SULF1: variants seen among roughly 807,000 people sequenced by gnomAD.
SULF1 encodes the protein sulfatase 1.
Under a neutral mutation model 110.5 loss-of-function variants are expected in SULF1, and 46 were observed. The observed-to-expected ratio is 0.42, with a 90% CI of 0.33 to 0.53. SULF1 has a LOEUF of 0.53. Ranked by LOEUF, SULF1 falls within the 20% of genes least tolerant of loss-of-function variation. SULF1 has a pLI of 0.12. For missense variants in SULF1, 941 were observed against 1,094.2 expected, an observed-to-expected ratio of 0.86 and a Z score of 1.98; for synonymous variants, 371 against 387.1, an observed-to-expected ratio of 0.96 and a Z score of 0.49.
At chr8:69,584,965 G>A (rs1465287251) in intron 6 of SULF1, among the ~76,000 whole-genome samples, 5 of 152,098 alleles carry the variant, frequency 3.3e-5, no homozygotes, top group South Asian at 2.1e-4. Context: ...TCTAGAATTC[G>A]TTTCTATTAT....
intron 3 of SULF1, among the ~76,000 whole-genome samples, chr8:69,538,138 C>T (rs7826995): frequency 0.72 from 109,049 of 151,834 alleles, 39,115 homozygotes; most frequent in South Asian, 0.81. Context: ...ATTTTTTGTA[C>T]TTTTAGTAGA....
chr8:69,521,983 T>C (rs537278378), intron 3 of SULF1, among the ~76,000 whole-genome samples: 118 of 151,030 alleles, frequency 7.8e-4, no homozygotes, highest in Non-Finnish European at 1.4e-3. Context: ...CCTAATCAAC[T>C]AGATATTAAA....
intron 22 of SULF1, among the ~76,000 whole-genome samples, chr8:69,644,238 G>A (rs1390583049): frequency 1.3e-5 from 2 of 152,234 alleles, no homozygotes; most frequent in Non-Finnish European, 2.9e-5. Context: ...GGTCATGGGG[G>A]TGGACGCTGG....
chr8:69,527,942 G>A (rs1225067796), intron 3 of SULF1, among the ~76,000 whole-genome samples: 3 of 152,262 alleles, frequency 2.0e-5, no homozygotes, highest in Middle Eastern at 3.4e-3. Context: ...ACTAAAAATT[G>A]TCCTCTTCCC....
intron 13 of SULF1, among the ~76,000 whole-genome samples, chr8:69,608,174 C>T (rs1470995815): frequency 6.6e-6 from 1 of 152,206 alleles, no homozygotes; most frequent in Non-Finnish European, 1.5e-5. Flanking sequence ...GTTGTGTCTT[C>T]TCAAATAGGT....
rs78761321 is a variant in SULF1, at chr8:69,631,708, C to T, written c.2284+2029C>T. 7.9e-3 allele frequency among the ~76,000 whole-genome samples: 1,199 copies of T among 152,378 alleles called. 14 individuals carry two copies. The highest frequency in any genetic ancestry group is 0.027 in the African/African-American group (1,128 of 41,592). Reference sequence around the variant, plus strand: ...TCCACAAGCATCTCAAGCTCCCTCTCGCCATGGGGCCTTTGCACTTGTTTC... The same window carrying T: ...TCCACAAGCATCTCAAGCTCCCTCTTGCCATGGGGCCTTTGCACTTGTTTC... On this transcript the variant is annotated intron_variant, in intron 19 of 22. Coordinates refer to ENST00000402687, the MANE Select transcript of SULF1 (RefSeq NM_001128205.2).
intron 9 of SULF1, 78 bp downstream of exon 9, chr8:69,600,831 T>A: frequency 6.7e-7 from 1 of 1,484,566 alleles, no homozygotes; most frequent in Middle Eastern, 1.8e-4. Context: ...CAATCCTGTT[T>A]GGTTTTTTCC....
intron 3 of SULF1, among the ~76,000 whole-genome samples, chr8:69,558,934 A>C (rs1815297032): frequency 6.6e-6 from 1 of 152,208 alleles, no homozygotes; most frequent in Admixed American, 6.5e-5. Context: ...TTATTAAAAA[A>C]AACTATACTT....
At chr8:69,485,162 C>T (rs1004088356) in intron 1 of SULF1, among the ~76,000 whole-genome samples, 1 of 152,168 alleles carries the variant, frequency 6.6e-6, no homozygotes, top group Non-Finnish European at 1.5e-5. Context: ...TTTGTGGTTT[C>T]TTCCCACTCC....
chr8:69,581,745 G>C (rs1806077771), intron 6 of SULF1, among the ~76,000 whole-genome samples: 1 of 152,182 alleles, frequency 6.6e-6, no homozygotes, highest in Non-Finnish European at 1.5e-5. Context: ...TAGAGGGCCA[G>C]ATAATCAATT....
At chr8:69,557,541 C>T (rs1342164935) in intron 3 of SULF1, among the ~76,000 whole-genome samples, 2 of 152,148 alleles carry the variant, frequency 1.3e-5, no homozygotes, top group Non-Finnish European at 2.9e-5. Context: ...CTCACTTCAT[C>T]CTTCCCACTC....
At chr8:69,640,969 C>A in intron 22 of SULF1, 128 bp downstream of exon 22, 1 of 714,048 alleles carries the variant, frequency 1.4e-6, no homozygotes, top group Non-Finnish European at 2.2e-6. Context: ...CTTGTTCTAA[C>A]AGCATTCTCC....
At chr8:69,560,404 G>A (rs571016253) in intron 3 of SULF1, among the ~76,000 whole-genome samples, 1 of 151,350 alleles carries the variant, frequency 6.6e-6, no homozygotes, top group South Asian at 2.1e-4. Flanking sequence ...TTGGCTTGAC[G>A]GCCCTAAGCC....
At chr8:69,503,302 T>C (rs1586243677) in intron 3 of SULF1, among the ~76,000 whole-genome samples, 1 of 152,184 alleles carries the variant, frequency 6.6e-6, no homozygotes. Flanking sequence ...TGTCTGAAGA[T>C]GGCATGGGGT....
intron 5 of SULF1, among the ~76,000 whole-genome samples, chr8:69,573,134 C>T (rs554107229): frequency 1.3e-5 from 2 of 152,292 alleles, no homozygotes; most frequent in Admixed American, 6.5e-5. Flanking sequence ...GCCCGAGATT[C>T]GCATTTTCAA....
intron 13 of SULF1, among the ~76,000 whole-genome samples, chr8:69,618,631 C>T (rs1323692212): frequency 1.3e-5 from 2 of 152,098 alleles, no homozygotes; most frequent in Non-Finnish European, 2.9e-5. Context: ...GATGAAGATG[C>T]TAAACGTTCA....
intron 3 of SULF1, among the ~76,000 whole-genome samples, chr8:69,562,626 A>G (rs1815583175): frequency 6.6e-6 from 1 of 152,170 alleles, no homozygotes; most frequent in African/African-American, 2.4e-5. Flanking sequence ...CCAAAGTGAG[A>G]GGGGCATTTT....
chr8:69,529,034 A>C (rs774692507), intron 3 of SULF1, among the ~76,000 whole-genome samples: 106 of 152,304 alleles, frequency 7.0e-4, no homozygotes, highest in Admixed American at 1.3e-3. Context: ...TAAGTGTATT[A>C]CATATACAAA....
chr8:69,582,428 G>A (rs1370913272), intron 6 of SULF1, among the ~76,000 whole-genome samples: 1 of 152,198 alleles, frequency 6.6e-6, no homozygotes, highest in Non-Finnish European at 1.5e-5. Flanking sequence ...AGTTGTAGGA[G>A]CACTTAACAA....
Sources: allele counts gnomAD v4.1 joint callset (sites outside exome capture counted in the v4.1 genomes callset), GRCh38; gene constraint gnomAD v4.1.1; transcripts MANE v1.5; gene names NCBI Gene and HGNC (gene_info 2026-07-23, HGNC 2026-07-21).